Variants in ZMAT1 observed in about 807,000 individuals in gnomAD.
ZMAT1 encodes zinc finger matrin-type 1.
Under a neutral mutation model 18.5 loss-of-function variants are expected in ZMAT1, and 11 were observed. The observed-to-expected ratio is 0.59, with a 90% CI of 0.37 to 0.98. The LOEUF (loss-of-function observed/expected upper bound fraction) is 0.98. Ranked by LOEUF, ZMAT1 falls within the 50% of genes least tolerant of loss-of-function variation. The pLI is 0.01. For synonymous variants in ZMAT1, 211 were observed against 176.4 expected (o/e 1.20, Z -1.55); for missense variants, 525 against 496.2 (o/e 1.06, Z -0.55).
chrX:101,904,401 A>T lies in ZMAT1; in HGVS notation c.293-71T>A, dbSNP rs1225563911. The T allele has an allele frequency of 3.8e-6, 3 of 795,326 alleles. No homozygotes were observed. The Admixed American group carries it at 9.5e-5, about 25-fold the overall frequency. The allele number at this position is 795,326 out of a possible 1,213,427, so 65.5% of individuals were successfully genotyped here. A position where few individuals can be genotyped will look rare whatever the true frequency, so the allele number is the denominator to read the frequency against. ...TTAGAGGTATCATTTTTCATTCCTC[A>T]ACTATATATGATTTCATATGATACT... On this transcript the variant is annotated intron_variant, in intron 1 of 5. Coordinates refer to ENST00000651725, the MANE Select transcript of ZMAT1 (RefSeq NM_001394560.1).
At chrX:101,898,301 C>T in intron 2 of ZMAT1, 81 bp from the exon 3 acceptor site, 1 of 820,832 alleles carries the variant, frequency 1.2e-6, no homozygotes, top group Non-Finnish European at 1.7e-6. Context: ...TTGAGGATGG[C>T]ATTCATGTGT....
chrX:101,931,296 A>G (rs1374607882), intron 1 of ZMAT1, among the ~76,000 whole-genome samples: 2 of 111,356 alleles, frequency 1.8e-5, no homozygotes, highest in Non-Finnish European at 3.8e-5. Flanking sequence ...CCCTTTCTCC[A>G]TCGGTCCCCG....
At position 101,883,524 on chromosome X, in the gene ZMAT1, T is replaced by C. The variant is rs181963248; in HGVS notation, c.2074A>G (p.Ile692Val). 16 of 1,183,722 alleles carry C rather than the reference T, an allele frequency of 1.4e-5. No homozygotes were observed. The highest frequency in any genetic ancestry group is 1.3e-4 in the African/African-American group (7 of 54,648). ...TEEEMLWDES[I>V]LGF Reference sequence around the variant, plus strand: ...AAACTAAACATTCAAAATCCAAGAATAGACTCATCCCAAAGCATTTCCTCT... The same window carrying C: ...AAACTAAACATTCAAAATCCAAGAACAGACTCATCCCAAAGCATTTCCTCT... Residue 692 changes from isoleucine (I) to valine (V), a missense_variant, in exon 6 of 6, where the codon ATT (isoleucine) becomes GTT (valine). Transcript: ENST00000651725.
chrX:101,916,574 T>C (rs993946472), intron 1 of ZMAT1, among the ~76,000 whole-genome samples: 2 of 111,390 alleles, frequency 1.8e-5, no homozygotes, highest in African/African-American at 6.5e-5. Flanking sequence ...TGTTCATGGA[T>C]TGGAAGAATC....
At chrX:101,925,491 G>A (rs1305460056) in intron 1 of ZMAT1, among the ~76,000 whole-genome samples, 1 of 111,839 alleles carries the variant, frequency 8.9e-6, no homozygotes, top group Non-Finnish European at 1.9e-5. Flanking sequence ...ATTCTGAGTT[G>A]GTCAAACAGA....
intron 4 of ZMAT1, among the ~76,000 whole-genome samples, chrX:101,896,660 C>A (rs1466527796): frequency 8.9e-6 from 1 of 112,151 alleles, no homozygotes; most frequent in Non-Finnish European, 1.9e-5. Context: ...TTTTCCATGG[C>A]AGGCATGCCT....
intron 1 of ZMAT1, among the ~76,000 whole-genome samples, chrX:101,929,417 G>T (rs1401477260): frequency 2.7e-5 from 1 of 36,912 alleles, no homozygotes; most frequent in South Asian, 8.5e-4. Flanking sequence ...TATATATAGA[G>T]AGAGATTATA....
intron 1 of ZMAT1, among the ~76,000 whole-genome samples, chrX:101,912,607 C>G (rs1225942329): frequency 3.6e-5 from 4 of 111,444 alleles, no homozygotes; most frequent in African/African-American, 1.3e-4. Flanking sequence ...GCAGAGTGTT[C>G]CAGAAATGAG....
At chrX:101,925,146 T>C (rs777960304) in intron 1 of ZMAT1, among the ~76,000 whole-genome samples, 11 of 112,350 alleles carry the variant, frequency 9.8e-5, no homozygotes, top group Non-Finnish European at 2.1e-4. Context: ...GTGATGGTTG[T>C]TTTGCTACCA....
chrX:101,909,517 C>T (rs746488897), intron 1 of ZMAT1, among the ~76,000 whole-genome samples: 1 of 112,027 alleles, frequency 8.9e-6, no homozygotes, highest in Admixed American at 9.4e-5. Flanking sequence ...TCTGGGACTG[C>T]CCTGGGCCAG....
intron 2 of ZMAT1, among the ~76,000 whole-genome samples, chrX:101,899,435 G>A (rs1445492494): frequency 9.0e-6 from 1 of 111,484 alleles, no homozygotes; most frequent in Non-Finnish European, 1.9e-5. Flanking sequence ...TGCCATATTT[G>A]TAGTCTTTTA....
chrX:101,925,668 T>C (rs1197505371), intron 1 of ZMAT1, among the ~76,000 whole-genome samples: 1 of 112,920 alleles, frequency 8.9e-6, no homozygotes, highest in Admixed American at 9.4e-5. Context: ...TCAACACATG[T>C]AGGCACTTGA....
chrX:101,930,717 C>T (rs1177125416), intron 1 of ZMAT1, among the ~76,000 whole-genome samples: 1 of 112,235 alleles, frequency 8.9e-6, no homozygotes, highest in Admixed American at 9.4e-5. Flanking sequence ...ACGAAATTTA[C>T]ATGGCAAAAT....
chrX:101,918,982 T>TA (rs1929542996), intron 1 of ZMAT1, among the ~76,000 whole-genome samples: 1 of 111,507 alleles, frequency 9.0e-6, no homozygotes, highest in Non-Finnish European at 1.9e-5. Flanking sequence ...TGCCTAGACT[T>TA]ACTTCCTTTG....
intron 1 of ZMAT1, among the ~76,000 whole-genome samples, chrX:101,909,727 T>A (rs1348872100): frequency 8.9e-6 from 1 of 112,619 alleles, no homozygotes; most frequent in Non-Finnish European, 1.9e-5. Flanking sequence ...CTGAGTCTTG[T>A]GGTTTGAGTA....
intron 1 of ZMAT1, among the ~76,000 whole-genome samples, chrX:101,923,105 G>T (rs1290061900): frequency 4.5e-5 from 5 of 112,061 alleles, no homozygotes; most frequent in Non-Finnish European, 7.5e-5. Context: ...GATAGCTGAA[G>T]AAACTTGGGG....
intron 1 of ZMAT1, among the ~76,000 whole-genome samples, chrX:101,931,194 A>AC (rs1930455200): frequency 9.0e-6 from 1 of 111,669 alleles, no homozygotes; most frequent in Admixed American, 9.5e-5. Context: ...CTCTGTAAAT[A>AC]TTCTACTTCT....
intron 4 of ZMAT1, among the ~76,000 whole-genome samples, chrX:101,897,508 TA>T (rs1010544037): frequency 3.7e-4 from 17 of 45,622 alleles, no homozygotes; most frequent in Non-Finnish European, 3.6e-4. Flanking sequence ...AAAGACATTA[TA>T]AAAAAAAGAG....
chrX:101,888,800 C>T (rs941298810), intron 4 of ZMAT1: 2 of 111,900 alleles, frequency 1.8e-5, no homozygotes, highest in South Asian at 7.5e-4. Context: ...AATTCTTCTT[C>T]CAACGTGGCC....
Sources: gnomAD v4.1 joint callset for allele counts (sites outside exome capture counted in the v4.1 genomes callset) on GRCh38, gnomAD v4.1.1 for gene constraint, MANE v1.5 for transcripts, NCBI Gene and HGNC (gene_info 2026-07-23, HGNC 2026-07-21) for gene names.